METTL15: variants seen among roughly 807,000 people sequenced by gnomAD.
METTL15 encodes the protein 12S rRNA N(4)-cytidine methyltransferase METTL15.
In METTL15, 34 loss-of-function variants were observed where a neutral mutation model predicts 38.3. The ratio of observed to expected loss-of-function variants is 0.89; its 90% CI spans 0.68 to 1.18. METTL15 has a LOEUF of 1.18. METTL15 is among the 50% of genes most tolerant of loss of function. The pLI, the probability that METTL15 is intolerant of heterozygous loss-of-function variation, is 0.00. For missense variants in METTL15, 438 were observed against 498.4 expected, an observed-to-expected ratio of 0.88 and a Z score of 1.15; for synonymous variants, 162 against 170.9, an observed-to-expected ratio of 0.95 and a Z score of 0.41.
chr11:28,348,177 T>A (rs777223124), intron 3 of METTL15, among the ~76,000 whole-genome samples: 2 of 152,232 alleles, frequency 1.3e-5, no homozygotes, highest in Non-Finnish European at 2.9e-5. Context: ...ATGGAGATAC[T>A]TTGAGACTAT....
chr11:28,383,860 G>T (rs1041540316), intron 5 of METTL15, among the ~76,000 whole-genome samples: 1 of 151,946 alleles, frequency 6.6e-6, no homozygotes, highest in Non-Finnish European at 1.5e-5. Flanking sequence ...AGGTTTGTTA[G>T]ATAGGTAAAC....
intron 6 of METTL15, among the ~76,000 whole-genome samples, chr11:28,427,055 T>A (rs907006986): frequency 2.0e-5 from 3 of 152,200 alleles, no homozygotes; most frequent in African/African-American, 7.2e-5. Context: ...TTCCAGGGCT[T>A]TTATAGTTTC....
At chr11:28,368,161 AAAC>A (rs1850207077) in intron 5 of METTL15, among the ~76,000 whole-genome samples, 1 of 151,058 alleles carries the variant, frequency 6.6e-6, no homozygotes, top group Non-Finnish European at 1.5e-5. Flanking sequence ...ACAAAAAAAA[AAAC>A]AAAGAAAAAA....
At chr11:28,303,127 C>T (rs950991361) in intron 6 of METTL15, among the ~76,000 whole-genome samples, 2 of 152,086 alleles carry the variant, frequency 1.3e-5, no homozygotes, top group African/African-American at 2.4e-5. Context: ...TGAGCTTTTT[C>T]GTATTCTAGC....
intron 6 of METTL15, among the ~76,000 whole-genome samples, chr11:28,322,977 TAAGTA>T (rs1191125466): frequency 6.6e-6 from 1 of 152,166 alleles, no homozygotes; most frequent in African/African-American, 2.4e-5. Context: ...TTTTTAAAGA[TAAGTA>T]AACTAAGTTG....
chr11:28,291,451 A>G (rs939687151), intron 5 of METTL15, among the ~76,000 whole-genome samples: 2 of 152,200 alleles, frequency 1.3e-5, no homozygotes, highest in Middle Eastern at 3.4e-3. Flanking sequence ...ATACCTGTAA[A>G]ACTTAACTGT....
chr11:28,314,381 G>A (rs1427662611), intron 6 of METTL15, among the ~76,000 whole-genome samples: 1 of 152,182 alleles, frequency 6.6e-6, no homozygotes, highest in Non-Finnish European at 1.5e-5. Context: ...TCAAGAAAAA[G>A]GCAGCACTGT....
intron 5 of METTL15, among the ~76,000 whole-genome samples, chr11:28,377,110 A>G (rs1026813262): frequency 7.1e-6 from 1 of 141,646 alleles, no homozygotes; most frequent in East Asian, 2.0e-4. Flanking sequence ...CTTCATTTCA[A>G]CTTTGGTGAA....
At chr11:28,341,333 T>G (rs1455991448) in intron 3 of METTL15, among the ~76,000 whole-genome samples, 2 of 152,154 alleles carry the variant, frequency 1.3e-5, no homozygotes, top group Non-Finnish European at 2.9e-5. Flanking sequence ...AATTTGCTAT[T>G]CTATTTACTC....
chr11:28,411,402 A>T (rs1039444742), intron 5 of METTL15, among the ~76,000 whole-genome samples: 11 of 152,084 alleles, frequency 7.2e-5, no homozygotes, highest in African/African-American at 2.7e-4. Context: ...GACCAAGGGA[A>T]CACAGAATAG....
intron 4 of METTL15, among the ~76,000 whole-genome samples, chr11:28,228,107 G>A (rs999013903): frequency 3.3e-5 from 5 of 151,900 alleles, no homozygotes; most frequent in East Asian, 1.9e-4. Context: ...CAGTCTTACC[G>A]TGTTCTCAAG....
At chr11:28,234,154 G>A (rs1343996141) in intron 4 of METTL15, among the ~76,000 whole-genome samples, 2 of 151,918 alleles carry the variant, frequency 1.3e-5, no homozygotes, top group Admixed American at 1.3e-4. Context: ...TAATGGCAGC[G>A]TAGTATTCCA....
chr11:28,183,442 A>T (rs1851371104), intron 3 of METTL15, among the ~76,000 whole-genome samples: 1 of 152,002 alleles, frequency 6.6e-6, no homozygotes, highest in South Asian at 2.1e-4. Flanking sequence ...TTAGATACCT[A>T]GTTTATTGAG....
chr11:28,359,121 TCC>T (rs1453744698), intron 4 of METTL15, among the ~76,000 whole-genome samples: 1 of 152,180 alleles, frequency 6.6e-6, no homozygotes, highest in Admixed American at 6.5e-5. Flanking sequence ...TGTCTCTTGT[TCC>T]CATCTTTATG....
At chr11:28,340,915 C>A (rs939193429) in intron 3 of METTL15, among the ~76,000 whole-genome samples, 1 of 152,156 alleles carries the variant, frequency 6.6e-6, no homozygotes, top group Non-Finnish European at 1.5e-5. Flanking sequence ...AGACTTAAAA[C>A]CAACCCAAAT....
chr11:28,355,917 T>G (rs1850086326), intron 4 of METTL15, among the ~76,000 whole-genome samples: 1 of 152,152 alleles, frequency 6.6e-6, no homozygotes, highest in Admixed American at 6.5e-5. Flanking sequence ...TTATACTATC[T>G]TTTTCCTTTG....
At chr11:28,238,960 A>AT (rs570703669) in intron 4 of METTL15, among the ~76,000 whole-genome samples, 14 of 150,568 alleles carry the variant, frequency 9.3e-5, no homozygotes, top group South Asian at 4.2e-4. Context: ...TTTTATTTGG[A>AT]TTTTTTTTTT....
At chr11:28,473,790 T>C (rs564854996) in intron 6 of METTL15, among the ~76,000 whole-genome samples, 1 of 152,236 alleles carries the variant, frequency 6.6e-6, no homozygotes, top group African/African-American at 2.4e-5. Context: ...ACTCATCTAA[T>C]GCTAAAGACC....
At chr11:28,518,056 T>C (rs1365455564) in intron 6 of METTL15, among the ~76,000 whole-genome samples, 1 of 152,196 alleles carries the variant, frequency 6.6e-6, no homozygotes, top group African/African-American at 2.4e-5. Flanking sequence ...CGTTAAGTGG[T>C]TCCCTATTGA....
Sources: gnomAD v4.1 joint callset for allele counts (sites outside exome capture counted in the v4.1 genomes callset) on GRCh38, gnomAD v4.1.1 for gene constraint, MANE v1.5 for transcripts, NCBI Gene and HGNC (gene_info 2026-07-23, HGNC 2026-07-21) for gene names.